Variants in CSNK2A2IP observed in about 807,000 individuals in gnomAD.
CSNK2A2IP encodes the protein casein kinase II subunit alpha'-interacting protein.
chr3:88,461,768 G>T, the CSNK2A2IP span, among the ~76,000 whole-genome samples: 2 of 151,700 alleles, frequency 1.3e-5, no homozygotes, highest in African/African-American at 4.8e-5. Flanking sequence ...GCACTTTATT[G>T]ATTTTTTATT....
chr3:88,355,275 G>A, the CSNK2A2IP span, among the ~76,000 whole-genome samples: 4 of 152,140 alleles, frequency 2.6e-5, no homozygotes, highest in Non-Finnish European at 5.9e-5. Context: ...AAATAATAGA[G>A]GATAATTGGG....
chr3:88,423,106 G>T, the CSNK2A2IP span, among the ~76,000 whole-genome samples: 2 of 152,108 alleles, frequency 1.3e-5, no homozygotes, highest in Admixed American at 1.3e-4. Context: ...AGTGTTTGAG[G>T]TTTTCTTAGA....
the CSNK2A2IP span, among the ~76,000 whole-genome samples, chr3:88,443,565 T>C: frequency 6.6e-6 from 1 of 152,106 alleles, no homozygotes; most frequent in Non-Finnish European, 1.5e-5. Context: ...GAAGGTTATT[T>C]ATTCTTTAAA....
chr3:88,339,059 A>T, the CSNK2A2IP span, among the ~76,000 whole-genome samples: 13 of 152,186 alleles, frequency 8.5e-5, 1 homozygote, highest in East Asian at 1.7e-3. Context: ...TTATTTTAGA[A>T]CATTCTAATT....
chr3:88,403,048 G>A, the CSNK2A2IP span, among the ~76,000 whole-genome samples: 1 of 151,900 alleles, frequency 6.6e-6, no homozygotes, highest in Non-Finnish European at 1.5e-5. Context: ...AATCTATAGT[G>A]GTTTTAATTT....
At chr3:88,363,208 T>A in the CSNK2A2IP span, among the ~76,000 whole-genome samples, 1 of 152,240 alleles carries the variant, frequency 6.6e-6, no homozygotes, top group South Asian at 2.1e-4. Flanking sequence ...TGTTATATGT[T>A]AAATTAGAAC....
chr3:88,417,827 TTAGAC>T, the CSNK2A2IP span, among the ~76,000 whole-genome samples: 3 of 152,216 alleles, frequency 2.0e-5, no homozygotes, highest in African/African-American at 7.2e-5. Context: ...GAGGTTAATG[TTAGAC>T]TATGTGATAT....
At chr3:88,436,105 C>T in the CSNK2A2IP span, among the ~76,000 whole-genome samples, 3 of 151,970 alleles carry the variant, frequency 2.0e-5, no homozygotes, top group Non-Finnish European at 4.4e-5. Flanking sequence ...GTCATATTTA[C>T]TGTATGATGT....
chr3:88,466,562 CAA>C, the CSNK2A2IP span: 1 of 1,231,646 alleles, frequency 8.1e-7, no homozygotes, highest in South Asian at 4.1e-5. Context: ...CAGTTTTCTC[CAA>C]AGACAGAATC....
chr3:88,412,506 A>T, the CSNK2A2IP span, among the ~76,000 whole-genome samples: 5 of 152,054 alleles, frequency 3.3e-5, no homozygotes, highest in South Asian at 8.3e-4. Flanking sequence ...AGTTTCAGTT[A>T]TTGGGAGTGA....
At chr3:88,382,265 T>C in the CSNK2A2IP span, among the ~76,000 whole-genome samples, 1 of 152,170 alleles carries the variant, frequency 6.6e-6, no homozygotes, top group South Asian at 2.1e-4. Context: ...CAATCCTCTA[T>C]AGTCAGGACA....
chr3:88,375,977 C>T, the CSNK2A2IP span, among the ~76,000 whole-genome samples: 4 of 151,636 alleles, frequency 2.6e-5, no homozygotes, highest in African/African-American at 7.3e-5. Flanking sequence ...TTACATTGTG[C>T]TCAATCCTAT....
the CSNK2A2IP span, among the ~76,000 whole-genome samples, chr3:88,400,390 G>A: frequency 3.3e-5 from 5 of 152,054 alleles, no homozygotes; most frequent in South Asian, 1.0e-3. Context: ...AGGAGAAAGG[G>A]GTGGTAGGCA....
chr3:88,442,650 T>C, the CSNK2A2IP span, among the ~76,000 whole-genome samples: 6 of 152,130 alleles, frequency 3.9e-5, no homozygotes, highest in African/African-American at 1.4e-4. Flanking sequence ...TTGTTGTCCT[T>C]ATTTTACAGA....
the CSNK2A2IP span, among the ~76,000 whole-genome samples, chr3:88,461,035 C>T: frequency 6.6e-6 from 1 of 151,508 alleles, no homozygotes; most frequent in Non-Finnish European, 1.5e-5. Flanking sequence ...TGCAGTGAGC[C>T]AAGATTGCAC....
chr3:88,399,053 CAA>C, the CSNK2A2IP span, among the ~76,000 whole-genome samples: 2 of 151,742 alleles, frequency 1.3e-5, no homozygotes, highest in Non-Finnish European at 2.9e-5. Context: ...TAAAGACAAA[CAA>C]AAAGATATAA....
the CSNK2A2IP span, among the ~76,000 whole-genome samples, chr3:88,410,296 T>C: frequency 6.6e-6 from 1 of 152,068 alleles, no homozygotes; most frequent in African/African-American, 2.4e-5. Context: ...GAGAGCTTTT[T>C]TTATAGAGTG....
the CSNK2A2IP span, among the ~76,000 whole-genome samples, chr3:88,446,642 T>A: frequency 6.6e-6 from 1 of 152,338 alleles, no homozygotes; most frequent in South Asian, 2.1e-4. Context: ...TCAAAGCAAT[T>A]CACTGGTCAT....
At chr3:88,461,825 G>A in the CSNK2A2IP span, among the ~76,000 whole-genome samples, 2 of 151,974 alleles carry the variant, frequency 1.3e-5, no homozygotes, top group East Asian at 3.9e-4. Flanking sequence ...GGGTGCAGTG[G>A]CATTGTCATG....
Sources: gnomAD v4.1 joint callset for allele counts (sites outside exome capture counted in the v4.1 genomes callset) on GRCh38, gnomAD v4.1.1 for gene constraint, MANE v1.5 for transcripts, NCBI Gene and HGNC (gene_info 2026-07-23, HGNC 2026-07-21) for gene names.